The following LMTK2 variants were observed in gnomAD, a reference collection of about 807,000 sequenced individuals.
LMTK2 encodes lemur tail kinase 2, also known as serine/threonine-protein kinase LMTK2.
A neutral mutation model predicts 127.5 loss-of-function variants in LMTK2; 37 were observed. The observed-to-expected ratio is 0.29, with a 90% CI of 0.22 to 0.38. The LOEUF (loss-of-function observed/expected upper bound fraction) is 0.38. LMTK2 is among the 10% of genes least tolerant of loss of function. The probability of loss-of-function intolerance (pLI) is 1.00; values close to 1 mark genes in which losing one functional copy is unlikely to be tolerated. For missense variants in LMTK2, 1,694 were observed against 1,920.3 expected, an observed-to-expected ratio of 0.88 and a Z score of 2.20; for synonymous variants, 819 against 810.1, an observed-to-expected ratio of 1.01 and a Z score of -0.19.
Position 98,204,017 on chromosome 7 carries a change from C to CTTG in LMTK2, c.4315_4316insTGT (p.Ser1438_Ser1439insLeu). The CTTG allele has an allele frequency of 6.2e-7, 1 of 1,614,232 alleles. No homozygotes were observed. The highest frequency in any genetic ancestry group is 1.1e-5 in the South Asian group (1 of 91,086). ...CAAAGACAACAAGTAACCTGCTCAG[C>CTTG]TCCAAGCCTTCTCTCCAAACATCCA... On this transcript the variant is annotated inframe_insertion, in exon 13 of 14. Coordinates refer to ENST00000297293, the MANE Select transcript of LMTK2 (RefSeq NM_014916.4).
intron 1 of LMTK2, among the ~76,000 whole-genome samples, chr7:98,116,761 T>C (rs1242526005): frequency 1.3e-5 from 2 of 152,232 alleles, no homozygotes; most frequent in African/African-American, 2.4e-5. Flanking sequence ...GTTTCTTTAA[T>C]ATTTCTCTAG....
Position 98,194,057 on chromosome 7 carries a change from G to A in LMTK2, c.3592G>A (p.Ala1198Thr). Residue 1198 changes from alanine to threonine, a missense_variant, in exon 11 of 14, where the codon GCC becomes ACC. Transcript: ENST00000297293. This position sits in a 1 kb window ranked among gnomAD's most constrained non-coding sequence, Gnocchi z 5.4. ...PQQVHPTEDE[A>T]SSPWSVLNAE... ...GCAGGTGCATCCCACGGAAGACGAG[G>A]CCAGCAGTCCCTGGAGTGTGCTGAA... is the stretch of plus-strand genomic sequence containing the variant. 1.2e-6 allele frequency: 2 copies of A among 1,614,150 alleles called. No homozygotes were observed. The highest frequency in any genetic ancestry group is 1.3e-5 in the African/African-American group (1 of 75,058).
rs114764290 is a variant in LMTK2 at position 98,157,839 on chromosome 7, G to A, written c.570-1499G>A. Among the ~76,000 whole-genome samples the A allele has an allele frequency of 6.5e-3, 993 of 152,262 alleles. 13 individuals are homozygous for A. The highest frequency in any genetic ancestry group is 0.023 in the African/African-American group (941 of 41,556). On this transcript the variant is annotated intron_variant, in intron 5 of 13. Transcript: ENST00000297293. ...TGCCAGGGGTACACATGGGTGGGGC[G>A]GGAAGATCTTTGTGGTGATGGGATA...
At chr7:98,189,829 C>G (rs1222858622) in intron 9 of LMTK2, among the ~76,000 whole-genome samples, 1 of 152,148 alleles carries the variant, frequency 6.6e-6, no homozygotes, top group Non-Finnish European at 1.5e-5. Context: ...TCTCCTGGCA[C>G]ACAGCTGCCA....
chr7:98,168,703 A>C (rs1180154667), intron 6 of LMTK2, among the ~76,000 whole-genome samples: 1 of 152,156 alleles, frequency 6.6e-6, no homozygotes, highest in East Asian at 1.9e-4. Flanking sequence ...CGGGCTTGCG[A>C]GGAACCTATT....
At chr7:98,125,639 T>C (rs903385829) in intron 1 of LMTK2, among the ~76,000 whole-genome samples, 2 of 152,234 alleles carry the variant, frequency 1.3e-5, no homozygotes, top group African/African-American at 4.8e-5. Flanking sequence ...CCTGAGTATC[T>C]GGAAGCACCT....
intron 1 of LMTK2, among the ~76,000 whole-genome samples, chr7:98,133,156 G>A (rs184778820): frequency 6.6e-5 from 10 of 152,196 alleles, no homozygotes; most frequent in Non-Finnish European, 1.2e-4. Flanking sequence ...TACGTATTCC[G>A]CCAGACCTCA....
intron 1 of LMTK2, chr7:98,126,747 C>G (rs1796451252): frequency 6.6e-6 from 1 of 152,240 alleles, no homozygotes; most frequent in African/African-American, 2.4e-5. Flanking sequence ...ATAAAATGAT[C>G]TCATTCACAG....
At chr7:98,178,271 G>A (rs1797303866) in intron 7 of LMTK2, among the ~76,000 whole-genome samples, 1 of 152,208 alleles carries the variant, frequency 6.6e-6, no homozygotes. Context: ...CATAATAGAG[G>A]TGTGGATTAT....
intron 1 of LMTK2, among the ~76,000 whole-genome samples, chr7:98,115,083 C>A (rs546673320): frequency 1.3e-4 from 20 of 152,248 alleles, no homozygotes; most frequent in African/African-American, 3.9e-4. Flanking sequence ...TACACTAACA[C>A]ATTTTTTGAT....
chr7:98,144,015 C>G (rs1224896061), intron 3 of LMTK2, among the ~76,000 whole-genome samples: 4 of 152,100 alleles, frequency 2.6e-5, no homozygotes, highest in Non-Finnish European at 5.9e-5. Context: ...AAAAGATATA[C>G]CACATACAAG....
rs1165080691 is a variant in LMTK2, at chr7:98,208,906, C to T, written c.*3414C>T. ...GCTGCTGTAAAAGGCCTTTCCAAAC[C>T]CCTCCTTTTATTCCTGTTTCCCGAA... On this transcript the variant is annotated 3_prime_UTR_variant, in exon 14 of 14. Transcript: ENST00000297293. The T allele has an allele frequency of 6.6e-6, 1 of 152,236 alleles. No individual in the cohort carries two copies. Among genetic ancestry groups the T allele is most frequent in the East Asian group, 1.9e-4 (1 of 5,200 alleles). The allele number at this position is 152,236 out of a possible 1,614,324, so 9.4% of individuals were successfully genotyped here. A position where few individuals can be genotyped will look rare whatever the true frequency, so the allele number is the denominator to read the frequency against.
chr7:98,191,857 C>G lies in LMTK2; in HGVS notation c.1392C>G (p.Thr464=), dbSNP rs370664737. The change falls in exon 11 of 14, where the codon ACC becomes ACG. Residue 464 remains threonine, a synonymous_variant. Coordinates refer to ENST00000297293, the MANE Select transcript of LMTK2 (RefSeq NM_014916.4). ...GTCGTGAAATGGAGGAAGTCCTCACCGTGACCGAAACCAGCCAGGGCCTGA... is the reference window on the plus strand; with the variant it reads ...GTCGTGAAATGGAGGAAGTCCTCACGGTGACCGAAACCAGCCAGGGCCTGA... ...RLGREMEEVL[T]VTETSQGLSF... is the part of the protein sequence containing the mutation. 2 of 1,614,194 alleles carry G rather than the reference C, an allele frequency of 1.2e-6. No homozygotes were observed. Among genetic ancestry groups the G allele is most frequent in the African/African-American group, 1.3e-5 (1 of 75,062 alleles).
intron 3 of LMTK2, among the ~76,000 whole-genome samples, chr7:98,151,016 C>T (rs1162854237): frequency 5.9e-5 from 9 of 152,028 alleles, no homozygotes; most frequent in African/African-American, 2.2e-4. Flanking sequence ...TTCAGTAAAA[C>T]TTTTTAAAAA....
intron 8 of LMTK2, among the ~76,000 whole-genome samples, chr7:98,186,218 C>T (rs2116450761): frequency 6.6e-6 from 1 of 152,284 alleles, no homozygotes; most frequent in African/African-American, 2.4e-5. Flanking sequence ...GTCCCTCCAC[C>T]ACGCCCAGCT....
intron 5 of LMTK2, among the ~76,000 whole-genome samples, chr7:98,155,729 G>T (rs1382688879): frequency 6.6e-6 from 1 of 151,174 alleles, no homozygotes; most frequent in Non-Finnish European, 1.5e-5. Flanking sequence ...ATTCTCAGAT[G>T]ACAGAAAACT....
At position 98,204,110 on chromosome 7, in the gene LMTK2, C is replaced by G. The variant is rs200365227; in HGVS notation, c.4407C>G (p.Ser1469=). The change falls in exon 13 of 14, where the codon TCC becomes TCG. Residue 1469 remains serine (S), a synonymous_variant. Transcript: ENST00000297293. ...GCTGGCCGCACTCGGCGCCTTACTCCCGGTTCTCCATCTCTCCCGCCAACA... is the reference window on the plus strand; with the variant it reads ...GCTGGCCGCACTCGGCGCCTTACTCGCGGTTCTCCATCTCTCCCGCCAACA... The part of the protein sequence containing the change: ...EQSWPHSAPY[S]RFSISPANIA... 3.1e-6 allele frequency: 5 copies of G among 1,612,978 alleles called. No individual in the cohort carries two copies.
chr7:98,140,143 T>TG (rs1562902710), intron 2 of LMTK2, among the ~76,000 whole-genome samples: 10 of 7,266 alleles, frequency 1.4e-3, no homozygotes, highest in Non-Finnish European at 4.0e-3. Context: ...TCTTTCTTTC[T>TG]TTTCTTTTCT....
At chr7:98,124,630 T>A (rs1000477826) in intron 1 of LMTK2, among the ~76,000 whole-genome samples, 1 of 151,758 alleles carries the variant, frequency 6.6e-6, no homozygotes, top group Non-Finnish European at 1.5e-5. Context: ...TACAAAAAAT[T>A]AAAAAATTAT....
Sources: allele counts gnomAD v4.1 joint callset (sites outside exome capture counted in the v4.1 genomes callset), GRCh38; gene constraint gnomAD v4.1.1; non-coding constraint Gnocchi (gnomAD v3.1); transcripts MANE v1.5; gene names NCBI Gene and HGNC (gene_info 2026-07-23, HGNC 2026-07-21).